The following NLRP14 variants were observed in gnomAD, a reference collection of about 807,000 sequenced individuals.
The protein encoded by NLRP14 is NLR family pyrin domain containing 14.
NLRP14 carries 105 observed loss-of-function variants against 94.7 expected under a neutral mutation model. The ratio of observed to expected loss-of-function variants is 1.11; its 90% CI spans 0.95 to 1.30. The LOEUF (loss-of-function observed/expected upper bound fraction) is 1.30, where lower values mean the gene tolerates loss of function less well. NLRP14 is among the 50% of genes most tolerant of loss of function. The pLI is 0.00. For synonymous variants in NLRP14, 508 were observed against 459.9 expected, an observed-to-expected ratio of 1.10 and a Z score of -1.34; for missense variants, 1,362 against 1,254.1, an observed-to-expected ratio of 1.09 and a Z score of -1.30.
At chr11:7,089,426 C>A in the NLRP14 span, 1 of 1,555,232 alleles carries the variant, frequency 6.4e-7, no homozygotes, top group Non-Finnish European at 8.7e-7. Flanking sequence ...CCCGCAGCCG[C>A]GGTCGCCCGA....
chr11:7,080,813 G>A, the NLRP14 span, among the ~76,000 whole-genome samples: 1 of 152,212 alleles, frequency 6.6e-6, no homozygotes, highest in Non-Finnish European at 1.5e-5. Flanking sequence ...TCAAAGACAG[G>A]TTTTCTTTAG....
the NLRP14 span, chr11:7,089,207 C>CA: frequency 6.2e-7 from 1 of 1,613,728 alleles, no homozygotes; most frequent in Non-Finnish European, 8.5e-7. Context: ...CCGAGTTTGG[C>CA]AAGTATGGCC....
At chr11:7,075,617 T>A (rs1227367730), downstream of NLRP14, among the ~76,000 whole-genome samples, 1 of 152,210 alleles carries the variant, frequency 6.6e-6, no homozygotes, top group African/African-American at 2.4e-5. Flanking sequence ...TATGTGTTCA[T>A]TTTACTTATT....
rs150747266 is a variant in NLRP14, at chr11:7,042,512, G to T, written c.486G>T (p.Leu162Phe). 1.2e-6 allele frequency: 2 copies of T among 1,614,120 alleles called. No homozygotes were observed. The highest frequency in any genetic ancestry group is 1.1e-5 in the South Asian group (1 of 91,084). ...TTGCAGAGAAAGATAGAAAACTGTT[G>T]GAACACTTGTTCGATGTGGATGTCA... The part of the protein sequence containing the change: ...HGIAEKDRKL[L>F]EHLFDVDVKT... Residue 162 changes from leucine (L) to phenylalanine (F), a missense_variant, in exon 4 of 12, where the codon TTG (leucine) becomes TTT (phenylalanine). By Grantham distance (22) the Leu-to-Phe change is conservative. Coordinates refer to ENST00000299481, the MANE Select transcript of NLRP14 (RefSeq NM_176822.4).
intron 1 of NLRP14, among the ~76,000 whole-genome samples, chr11:7,030,576 A>T (rs961217925): frequency 6.6e-6 from 1 of 151,080 alleles, no homozygotes; most frequent in African/African-American, 2.4e-5. Flanking sequence ...CATAGCAATG[A>T]TTACCACCTG....
At chr11:7,047,213 A>G (rs77158310) in intron 5 of NLRP14, among the ~76,000 whole-genome samples, 1 of 152,238 alleles carries the variant, frequency 6.6e-6, no homozygotes, top group Non-Finnish European at 1.5e-5. Flanking sequence ...AATAATGTTC[A>G]GTTTGTTGTG....
the NLRP14 span, among the ~76,000 whole-genome samples, chr11:7,081,503 CT>C: frequency 6.0e-4 from 89 of 148,800 alleles, no homozygotes; most frequent in African/African-American, 7.4e-4. Context: ...TGGATGCCAT[CT>C]TTTTTTTTTA....
Position 7,042,957 on chromosome 11 carries a change from AC to A in NLRP14, c.932del (p.Thr311IlefsTer5). The A allele has an allele frequency of 6.2e-7, 1 of 1,614,152 alleles. No individual in the cohort carries two copies. ...ASLLVTTRLT[T>X]SKRLKQLLKN... ...CTTATTGGTGACAACAAGACTCACA[AC>A]TTCTAAGAGACTAAAGCAGTTGTTG... On this transcript the variant is annotated frameshift_variant, in exon 4 of 12. Transcript: ENST00000299481. LOFTEE classifies it high-confidence loss of function.
rs1852539883 is a variant in NLRP14 at position 7,057,772 on chromosome 11, A to G, written c.2387A>G (p.Asn796Ser). 2 of 1,612,348 alleles carry G rather than the reference A, an allele frequency of 1.2e-6. No homozygotes were observed. The highest frequency in any genetic ancestry group is 1.7e-6 in the Non-Finnish European group (2 of 1,178,646). ...CTGATATTTCTGAATCTGTCAACCA[A>G]TAATCTGTTGGATGATGGAGTGCAG... is the stretch of plus-strand genomic sequence containing the variant. ...QSLIFLNLST[N>S]NLLDDGVQLL... is the part of the protein sequence containing the mutation. Residue 796 changes from asparagine to serine, a missense_variant, in exon 7 of 12, where the codon AAT becomes AGT. Physicochemically the swap from Asn to Ser is conservative, Grantham distance 46. Transcript: ENST00000299481.
chr11:7,045,660 A>G (rs1453476113), intron 4 of NLRP14, among the ~76,000 whole-genome samples: 3 of 152,048 alleles, frequency 2.0e-5, no homozygotes, highest in Non-Finnish European at 4.4e-5. Context: ...ATTCATTCCA[A>G]TTTAAGATAT....
rs372435564 is a variant in NLRP14 at position 7,057,863 on chromosome 11, T to G, written c.2462+16T>G. On this transcript the variant is annotated intron_variant, in intron 7 of 11. Coordinates refer to ENST00000299481, the MANE Select transcript of NLRP14 (RefSeq NM_176822.4). ...AGAGACTGTCGTGAGTGTTTCTGTT[T>G]TGTTTTCTGTAGAGTCATTTTGCTT... 1 of 1,606,586 alleles carries G rather than the reference T, an allele frequency of 6.2e-7. No individual in the cohort carries two copies. Among genetic ancestry groups the G allele is most frequent in the African/African-American group, 1.3e-5 (1 of 74,746 alleles).
At chr11:7,067,895 A>G (rs926916982) in intron 10 of NLRP14, among the ~76,000 whole-genome samples, 2 of 152,104 alleles carry the variant, frequency 1.3e-5, no homozygotes, top group Non-Finnish European at 2.9e-5. Context: ...TGAACTTTGT[A>G]ACAATTTCTG....
At position 7,020,603 on chromosome 11, in the gene NLRP14, G is replaced by A. The variant is rs535083582; in HGVS notation, c.-189G>A. 1.3e-5 allele frequency: 2 copies of A among 152,416 alleles called. No individual in the cohort carries two copies. Among genetic ancestry groups the A allele is most frequent in the South Asian group, 4.1e-4 (2 of 4,828 alleles). 9.4% of individuals were successfully genotyped at this position (152,416 alleles called of 1,614,324 possible). A position where few individuals can be genotyped will look rare whatever the true frequency, so the allele number is the denominator to read the frequency against. On this transcript the variant is annotated 5_prime_UTR_variant, in exon 1 of 12. Transcript: ENST00000299481. ...GAAAGGGGGCGTGGCTGGAAACGGAGCTACTGGCTTCGGAGAATTCTGTGA... is the reference window on the plus strand; with the variant it reads ...GAAAGGGGGCGTGGCTGGAAACGGAACTACTGGCTTCGGAGAATTCTGTGA...
chr11:7,038,920 T>C, intron 2 of NLRP14, 45 bp downstream of exon 2: 3 of 1,586,002 alleles, frequency 1.9e-6, no homozygotes, highest in Non-Finnish European at 2.6e-6. Flanking sequence ...AGGAAGGAAG[T>C]GTTTCCTGGA....
In NLRP14 at chr11:7,049,427, A is replaced by T. The variant is rs4439493; in HGVS notation, c.2124-244A>T. 0.97 allele frequency among the ~76,000 whole-genome samples: 147,556 copies of T among 152,278 alleles called. 71,652 individuals carry two copies. Among genetic ancestry groups the T allele is most frequent in the Middle Eastern group, 1 (294 of 294 alleles). ...ATAGTCATTCCTGGGATTACAAGTT[A>T]AAGAGGCTCCTCTTCTGCTTTTCAT... is the stretch of plus-strand genomic sequence containing the variant. On this transcript the variant is annotated intron_variant, in intron 5 of 11. Coordinates refer to ENST00000299481, the MANE Select transcript of NLRP14 (RefSeq NM_176822.4).
At chr11:7,078,211 G>A in the NLRP14 span, among the ~76,000 whole-genome samples, 385 of 150,420 alleles carry the variant, frequency 2.6e-3, 2 homozygotes, top group African/African-American at 8.8e-3. Context: ...GGCCAAGACG[G>A]GTGGATCACG....
At chr11:7,083,791 T>C in the NLRP14 span, among the ~76,000 whole-genome samples, 1 of 152,228 alleles carries the variant, frequency 6.6e-6, no homozygotes, top group Non-Finnish European at 1.5e-5. Context: ...TGCAGTCACC[T>C]GCTGAACCTA....
chr11:7,050,390 T>G (rs1852424876), intron 6 of NLRP14, among the ~76,000 whole-genome samples: 1 of 152,226 alleles, frequency 6.6e-6, no homozygotes, highest in Non-Finnish European at 1.5e-5. Flanking sequence ...TGGTGACTCT[T>G]CTTTGGCCGA....
At chr11:7,089,726 C>T in the NLRP14 span, 3 of 1,533,556 alleles carry the variant, frequency 2.0e-6, no homozygotes, top group Non-Finnish European at 2.6e-6. Context: ...TGCCCCCGCG[C>T]CGCGACCCCT....
Sources: gnomAD v4.1 joint callset for allele counts (sites outside exome capture counted in the v4.1 genomes callset) on GRCh38, gnomAD v4.1.1 for gene constraint, MANE v1.5 for transcripts, NCBI Gene and HGNC (gene_info 2026-07-23, HGNC 2026-07-21) for gene names.